Variants in OXTR observed in about 807,000 individuals in gnomAD.
The protein encoded by OXTR is oxytocin receptor.
Under a neutral mutation model 23.9 loss-of-function variants are expected in OXTR, and 19 were observed. That is an observed-to-expected ratio of 0.80 (90% CI 0.56 to 1.17). OXTR has a LOEUF of 1.17. Ranked by LOEUF, OXTR falls within the 50% of genes most tolerant of loss-of-function variation. OXTR has a pLI of 0.00. For synonymous variants in OXTR, 278 were observed against 250.5 expected (o/e 1.11, Z -1.04); for missense variants, 500 against 550.7 (o/e 0.91, Z 0.92).
At chr3:8,748,865 G>C (rs1426484144), downstream of OXTR, among the ~76,000 whole-genome samples, 1 of 152,182 alleles carries the variant, frequency 6.6e-6, no homozygotes, top group Non-Finnish European at 1.5e-5. Context: ...CAAGCCAAAA[G>C]AAGACCAAAG....
chr3:8,761,801 A>T (rs1708493111), intron 3 of OXTR, among the ~76,000 whole-genome samples: 1 of 152,206 alleles, frequency 6.6e-6, no homozygotes, highest in Non-Finnish European at 1.5e-5. Flanking sequence ...AGGGTGTCAA[A>T]GCTCCATTAT....
In OXTR at chr3:8,767,716, G is replaced by A. The variant is rs1205191304; in HGVS notation, c.472C>T (p.Leu158Phe). ...LRRRTDRLAVLATWLGCLVAS... is the reference protein window; with the variant it reads ...LRRRTDRLAVFATWLGCLVAS... ...ACCAGGCAGCCGAGCCACGTGGCGAGCACTGCCAGGCGGTCGGTGCGGCGG... is the reference window on the plus strand; with the variant it reads ...ACCAGGCAGCCGAGCCACGTGGCGAACACTGCCAGGCGGTCGGTGCGGCGG... The change falls in exon 3 of 4, where the codon CTC becomes TTC. Residue 158 changes from leucine to phenylalanine, a missense_variant. Physicochemically the swap from Leu to Phe is conservative, Grantham distance 22 (BLOSUM62 0). Transcript: ENST00000316793. 1 of 1,609,244 alleles carries A rather than the reference G, an allele frequency of 6.2e-7. No homozygotes were observed. Among genetic ancestry groups the A allele is most frequent in the East Asian group, 2.2e-5 (1 of 44,750 alleles).
chr3:8,767,412 C>A lies in OXTR; in HGVS notation c.776G>T (p.Arg259Leu). Residue 259 changes from arginine (R) to leucine (L), a missense_variant, in exon 3 of 4, where the codon CGT (arginine) becomes CTT (leucine). Arg to Leu is a moderately radical substitution (Grantham distance 102). Transcript: ENST00000316793. ...GGAGATGAGCTTGACGCTGCTGACA[C>A]GCGCCAGGGCCACGCGCCCCCCATC... ...AGDGGRVALA[R>L]VSSVKLISKA... 6.2e-7 allele frequency: 1 copy of A among 1,609,530 alleles called. No individual in the cohort carries two copies. The highest frequency in any genetic ancestry group is 8.5e-7 in the Non-Finnish European group (1 of 1,178,088).
At chr3:8,750,191 G>C (rs1708228044), downstream of OXTR, among the ~76,000 whole-genome samples, 1 of 152,082 alleles carries the variant, frequency 6.6e-6, no homozygotes, top group African/African-American at 2.4e-5. Flanking sequence ...CAGCTACAAG[G>C]CATCACTTGT....
the OXTR span, among the ~76,000 whole-genome samples, chr3:8,741,509 G>C: frequency 1.3e-5 from 2 of 152,088 alleles, no homozygotes; most frequent in African/African-American, 4.8e-5. Context: ...TGTCATTACA[G>C]ATCTTGGCCC....
At chr3:8,762,692 G>A (rs1406201200) in intron 3 of OXTR, among the ~76,000 whole-genome samples, 10 of 152,240 alleles carry the variant, frequency 6.6e-5, no homozygotes. Context: ...AGGATCCTCA[G>A]TCCCACAGAA....
chr3:8,751,256 G>C lies in OXTR; in HGVS notation c.*1721C>G, dbSNP rs544956471. On this transcript the variant is annotated 3_prime_UTR_variant, in exon 4 of 4. Transcript: ENST00000316793. ...TTTTCTCCTTATTGTTGTGTTATAA[G>C]AGTTATTTATATATTCCAGATACAA... 2 of 152,234 alleles carry C rather than the reference G, an allele frequency of 1.3e-5. No individual in the cohort carries two copies. The highest frequency in any genetic ancestry group is 1.3e-4 in the Admixed American group (2 of 15,286). 9.4% of individuals were successfully genotyped at this position (152,234 alleles called of 1,614,324 possible). A position where few individuals can be genotyped will look rare whatever the true frequency, so the allele number is the denominator to read the frequency against.
chr3:8,756,754 A>C (rs1457970814), intron 3 of OXTR, among the ~76,000 whole-genome samples: 2 of 152,118 alleles, frequency 1.3e-5, no homozygotes, highest in Non-Finnish European at 2.9e-5. Flanking sequence ...CTGCCACCAC[A>C]CCCAATGACT....
At chr3:8,760,373 C>A (rs1708460332) in intron 3 of OXTR, among the ~76,000 whole-genome samples, 1 of 152,274 alleles carries the variant, frequency 6.6e-6, no homozygotes, top group African/African-American at 2.4e-5. Context: ...TGCATGTCAG[C>A]AGCTGGCCGC....
the OXTR span, among the ~76,000 whole-genome samples, chr3:8,743,844 C>T: frequency 6.6e-6 from 1 of 152,324 alleles, no homozygotes; most frequent in East Asian, 1.9e-4. Flanking sequence ...ACAATCATAT[C>T]TTTAGTAATA....
chr3:8,747,013 G>C (rs1708184080), downstream of OXTR, among the ~76,000 whole-genome samples: 1 of 151,740 alleles, frequency 6.6e-6, no homozygotes, highest in Non-Finnish European at 1.5e-5. Context: ...AGATAAACCT[G>C]TTTAAACCAG....
At chr3:8,741,283 C>T in the OXTR span, among the ~76,000 whole-genome samples, 1 of 152,174 alleles carries the variant, frequency 6.6e-6, no homozygotes, top group Non-Finnish European at 1.5e-5. Context: ...GTTACAAGCA[C>T]CAATGTTTAT....
intron 3 of OXTR, among the ~76,000 whole-genome samples, chr3:8,759,208 T>G (rs1163830880): frequency 6.6e-6 from 1 of 152,256 alleles, no homozygotes; most frequent in African/African-American, 2.4e-5. Context: ...TCTGCTTCTT[T>G]GCATAGTAAG....
At chr3:8,745,619 TAC>T, downstream of OXTR, 1 of 1,614,116 alleles carries the variant, frequency 6.2e-7, no homozygotes. This position sits in a 1 kb window ranked among gnomAD's most constrained non-coding sequence, Gnocchi z 4.8. Context: ...TGTCTCCAAG[TAC>T]TGGTGCTACC....
intron 3 of OXTR, among the ~76,000 whole-genome samples, chr3:8,762,762 T>C (rs775995490): frequency 2.2e-4 from 34 of 152,250 alleles, no homozygotes; most frequent in Non-Finnish European, 4.6e-4. Flanking sequence ...CCAGGCCTCC[T>C]GTGCCTGTCA....
chr3:8,758,291 C>T (rs1708417176), intron 3 of OXTR, among the ~76,000 whole-genome samples: 1 of 152,172 alleles, frequency 6.6e-6, no homozygotes, highest in South Asian at 2.1e-4. Flanking sequence ...TAGCCCAGAA[C>T]AGCTGACGGG....
chr3:8,767,504 C>A lies in OXTR; in HGVS notation c.684G>T (p.Trp228Cys), dbSNP rs145921539. ...CAGCGGTCTTGAGCCGCAAGTTCTG[C>A]CAGATCTTGAAGCTGATAAGGCCGT... ...ACYGLISFKI[W>C]QNLRLKTAAA... The change falls in exon 3 of 4, where the codon TGG (tryptophan) becomes TGT (cysteine). Residue 228 changes from tryptophan to cysteine, a missense_variant. Coordinates refer to ENST00000316793, the MANE Select transcript of OXTR (RefSeq NM_000916.4). The A allele has an allele frequency of 1.1e-4, 179 of 1,611,874 alleles. No individual in the cohort carries two copies. In the African/African-American group the frequency reaches 2.2e-3, roughly 20 times the overall value.
downstream of OXTR, chr3:8,746,082 G>A (rs1027201542): frequency 7.4e-5 from 40 of 540,698 alleles, no homozygotes; most frequent in Non-Finnish European, 1.1e-4. Flanking sequence ...CCACCATGAT[G>A]CCCCCATGCC....
rs1372499157 is a variant in OXTR, at chr3:8,751,039, ACTCGTT to A, written c.*1932_*1937del. ...CCAGTTTCTCTACATCCTCACCGAC[ACTCGTT>A]CTTGTCCATCTTTTTATTGTAGCCA... On this transcript the variant is annotated 3_prime_UTR_variant, in exon 4 of 4. Coordinates refer to ENST00000316793, the MANE Select transcript of OXTR (RefSeq NM_000916.4). 6.6e-6 allele frequency: 1 copy of A among 151,936 alleles called. No individual in the cohort carries two copies. The highest frequency in any genetic ancestry group is 2.4e-5 in the African/African-American group (1 of 41,362). The allele number at this position is 151,936 out of a possible 1,614,324, so 9.4% of individuals were successfully genotyped here.
Sources: allele counts gnomAD v4.1 joint callset (sites outside exome capture counted in the v4.1 genomes callset), GRCh38; gene constraint gnomAD v4.1.1; non-coding constraint Gnocchi (gnomAD v3.1); transcripts MANE v1.5; gene names NCBI Gene and HGNC (gene_info 2026-07-23, HGNC 2026-07-21).